Variants in GPR39 observed in about 807,000 individuals in gnomAD.
The protein encoded by GPR39 is G protein-coupled receptor 39, also known as zinc sensing receptor.
A neutral mutation model predicts 18.4 loss-of-function variants in GPR39; 23 were observed. The ratio of observed to expected loss-of-function variants is 1.25; its 90% CI spans 0.90 to 1.77. The LOEUF is 1.77. Among genes scored for constraint, GPR39 ranks in the 40% most tolerant of loss-of-function variants. GPR39 has a pLI of 0.00. For synonymous variants in GPR39, 280 were observed against 257.9 expected, an observed-to-expected ratio of 1.09 and a Z score of -0.82; for missense variants, 647 against 602.4, an observed-to-expected ratio of 1.07 and a Z score of -0.78.
chr2:132,509,912 A>G (rs538451293), intron 1 of GPR39, among the ~76,000 whole-genome samples: 1 of 152,290 alleles, frequency 6.6e-6, no homozygotes, highest in East Asian at 1.9e-4. Flanking sequence ...CAGAGAGGAG[A>G]GGACTGTGTA....
intron 1 of GPR39, among the ~76,000 whole-genome samples, chr2:132,626,048 C>T (rs556049746): frequency 2.6e-5 from 4 of 151,050 alleles, no homozygotes; most frequent in African/African-American, 9.7e-5. Context: ...TGCAGTGAGC[C>T]GAGACCGCAC....
intron 1 of GPR39, among the ~76,000 whole-genome samples, chr2:132,643,537 A>ATTGGTTTATTGGTTTATT (rs1681907201): frequency 6.6e-6 from 1 of 152,086 alleles, no homozygotes; most frequent in Non-Finnish European, 1.5e-5. Flanking sequence ...GTTTATTGAG[A>ATTGGTTTATTGGTTTATT]CAGTTTCACT....
At chr2:132,457,384 C>CT (rs1224516222) in intron 1 of GPR39, among the ~76,000 whole-genome samples, 3 of 152,164 alleles carry the variant, frequency 2.0e-5, no homozygotes, top group South Asian at 2.1e-4. Flanking sequence ...ATCGTCTAAT[C>CT]TTTTTTTAAG....
At chr2:132,473,161 A>T (rs1328791484) in intron 1 of GPR39, among the ~76,000 whole-genome samples, 1 of 152,228 alleles carries the variant, frequency 6.6e-6, no homozygotes, top group African/African-American at 2.4e-5. Flanking sequence ...AATGAATTTC[A>T]ATGAGTGCTG....
chr2:132,429,787 G>T (rs1293286933), intron 1 of GPR39, among the ~76,000 whole-genome samples: 1 of 152,248 alleles, frequency 6.6e-6, no homozygotes, highest in Non-Finnish European at 1.5e-5. Context: ...GGGGTTATAT[G>T]AAATAACTAA....
rs146318095 is a variant in GPR39, at chr2:132,637,824, G to A, written c.857-7277G>A. On this transcript the variant is annotated intron_variant, in intron 1 of 1. Transcript: ENST00000329321. The stretch of plus-strand genomic sequence containing the variant: ...TCCGTTGACAAACTCAGCAATGGGC[G>A]GAGATTGCCCTCTCTGCCACCTCCC... Among the ~76,000 whole-genome samples the A allele has an allele frequency of 3.9e-5, 6 of 152,262 alleles. No individual in the cohort carries two copies. The South Asian group carries it at 6.2e-4, about 16-fold the overall frequency.
chr2:132,558,954 G>A (rs934174444), intron 1 of GPR39, among the ~76,000 whole-genome samples: 8 of 152,234 alleles, frequency 5.3e-5, no homozygotes, highest in African/African-American at 1.9e-4. Flanking sequence ...CACTAACTGT[G>A]TGTTAAGCCC....
At position 132,417,397 on chromosome 2, in the gene GPR39, AGCTAC is replaced by A. The variant is rs1246572711; in HGVS notation, c.364_368del (p.Thr122AlafsTer9). 1.9e-6 allele frequency: 3 copies of A among 1,614,152 alleles called. No individual in the cohort carries two copies. Among genetic ancestry groups the A allele is most frequent in the Non-Finnish European group, 2.5e-6 (3 of 1,180,028 alleles). ...GCACACTTTCCTCTTCGAGGCCTGCAGCTACGCTACGCTGCTGCACGTGCTGACAC... is the reference window on the plus strand; with the variant it reads ...GCACACTTTCCTCTTCGAGGCCTGCAGCTACGCTGCTGCACGTGCTGACAC... On this transcript the variant is annotated frameshift_variant, in exon 1 of 2. Coordinates refer to ENST00000329321, the MANE Select transcript of GPR39 (RefSeq NM_001508.3). LOFTEE classifies it high-confidence loss of function.
At chr2:132,458,901 T>C (rs567206925) in intron 1 of GPR39, among the ~76,000 whole-genome samples, 2 of 152,334 alleles carry the variant, frequency 1.3e-5, no homozygotes, top group Admixed American at 6.5e-5. Flanking sequence ...GAAGACTTTT[T>C]TTCTGCATAT....
chr2:132,542,443 TAAG>T (rs2104786810), intron 1 of GPR39, among the ~76,000 whole-genome samples: 1 of 152,270 alleles, frequency 6.6e-6, no homozygotes, highest in South Asian at 2.1e-4. Flanking sequence ...TCCTACCAAC[TAAG>T]AAGATTAGAT....
chr2:132,551,093 A>G (rs185091680), intron 1 of GPR39, among the ~76,000 whole-genome samples: 24 of 152,284 alleles, frequency 1.6e-4, no homozygotes, highest in African/African-American at 5.5e-4. Flanking sequence ...TTTTTCCACT[A>G]CAAGAATTCT....
chr2:132,640,071 T>A (rs922035413), intron 1 of GPR39, among the ~76,000 whole-genome samples: 3 of 152,184 alleles, frequency 2.0e-5, no homozygotes, highest in African/African-American at 7.2e-5. Flanking sequence ...GTTACAAGGC[T>A]GGTCTCAAGG....
At chr2:132,540,416 G>A (rs565681775) in intron 1 of GPR39, among the ~76,000 whole-genome samples, 77 of 152,202 alleles carry the variant, frequency 5.1e-4, no homozygotes, top group African/African-American at 1.7e-3. Context: ...GAACCCAGGG[G>A]CACTGCTAGA....
At chr2:132,532,126 G>T (rs1679649177) in intron 1 of GPR39, among the ~76,000 whole-genome samples, 1 of 151,824 alleles carries the variant, frequency 6.6e-6, no homozygotes, top group Non-Finnish European at 1.5e-5. Flanking sequence ...AAAGAGAGAA[G>T]AATCAAATAG....
intron 1 of GPR39, among the ~76,000 whole-genome samples, chr2:132,507,267 G>A (rs1307229542): frequency 6.6e-6 from 1 of 152,130 alleles, no homozygotes; most frequent in South Asian, 2.1e-4. Flanking sequence ...AGTGCTCAGT[G>A]AAATATAAAA....
intron 1 of GPR39, among the ~76,000 whole-genome samples, chr2:132,546,479 T>C (rs547447559): frequency 1.3e-5 from 2 of 152,238 alleles, no homozygotes; most frequent in Non-Finnish European, 2.9e-5. Context: ...AGACCGTAAG[T>C]TGTAGTCCAG....
intron 1 of GPR39, among the ~76,000 whole-genome samples, chr2:132,557,493 A>T (rs1001527090): frequency 6.6e-6 from 1 of 152,172 alleles, no homozygotes; most frequent in Non-Finnish European, 1.5e-5. Flanking sequence ...TTAATGCCAG[A>T]GAGTGGGTCA....
chr2:132,449,759 A>G (rs530485148), intron 1 of GPR39, among the ~76,000 whole-genome samples: 2 of 152,090 alleles, frequency 1.3e-5, no homozygotes, highest in East Asian at 3.9e-4. Flanking sequence ...GGCCTAGATG[A>G]TTGGCATTTA....
intron 1 of GPR39, among the ~76,000 whole-genome samples, chr2:132,472,081 T>C (rs1681043030): frequency 6.6e-6 from 1 of 152,114 alleles, no homozygotes; most frequent in Non-Finnish European, 1.5e-5. Context: ...TCAGCAATGA[T>C]AACAGATAGA....
Sources: gnomAD v4.1 joint callset for allele counts (sites outside exome capture counted in the v4.1 genomes callset) on GRCh38, gnomAD v4.1.1 for gene constraint, MANE v1.5 for transcripts, NCBI Gene and HGNC (gene_info 2026-07-23, HGNC 2026-07-21) for gene names.